CYP24A1: variants seen among roughly 807,000 people sequenced by gnomAD.
CYP24A1 encodes the protein cytochrome P450 family 24 subfamily A member 1, also known as 1,25-dihydroxyvitamin D(3) 24-hydroxylase, mitochondrial.
Under a neutral mutation model 62.4 loss-of-function variants are expected in CYP24A1, and 68 were observed. That is an observed-to-expected ratio of 1.09 (90% CI 0.90 to 1.33). The LOEUF (loss-of-function observed/expected upper bound fraction) is 1.33. Ranked by LOEUF, CYP24A1 falls within the 40% of genes most tolerant of loss-of-function variation. The probability of loss-of-function intolerance (pLI) is 0.00; values close to 1 mark genes in which losing one functional copy is unlikely to be tolerated. For missense variants in CYP24A1, 787 were observed against 653.0 expected (o/e 1.21, Z -2.24); for synonymous variants, 267 against 253.0 (o/e 1.06, Z -0.52).
intron 4 of CYP24A1, among the ~76,000 whole-genome samples, chr20:54,168,143 T>C (rs2092679138): frequency 6.6e-6 from 1 of 152,122 alleles, no homozygotes; most frequent in Non-Finnish European, 1.5e-5. Flanking sequence ...ACCATCTCTG[T>C]GAAGCGACCC....
At chr20:54,164,677 G>A in intron 5 of CYP24A1, 114 bp from the exon 6 acceptor site, 1 of 1,575,656 alleles carries the variant, frequency 6.3e-7, no homozygotes, top group Non-Finnish European at 8.6e-7. Flanking sequence ...TAAAAGGCTG[G>A]AATTACAAGG....
chr20:54,146,564 A>G, the CYP24A1 span, among the ~76,000 whole-genome samples: 129 of 152,362 alleles, frequency 8.5e-4, no homozygotes, highest in African/African-American at 2.9e-3. Flanking sequence ...ATGAAAAAGC[A>G]AAGCATTTCT....
intron 4 of CYP24A1, among the ~76,000 whole-genome samples, chr20:54,169,030 T>C (rs2092684528): frequency 6.6e-6 from 1 of 151,994 alleles, no homozygotes; most frequent in Admixed American, 6.6e-5. Context: ...CCCAAGTAGA[T>C]GGGACTACAG....
the CYP24A1 span, among the ~76,000 whole-genome samples, chr20:54,146,851 A>G: frequency 6.6e-6 from 1 of 152,184 alleles, no homozygotes; most frequent in Non-Finnish European, 1.5e-5. Flanking sequence ...TTCTGCAAAT[A>G]TTTTATTGCT....
At chr20:54,162,512 T>TC in intron 7 of CYP24A1, 2 of 575,178 alleles carry the variant, frequency 3.5e-6, no homozygotes, top group Non-Finnish European at 6.2e-6. Flanking sequence ...CCGTGGCGTC[T>TC]GGTATGAGGC....
chr20:54,172,946 G>A lies in CYP24A1; in HGVS notation c.412C>T (p.Arg138Cys), dbSNP rs750777104. The A allele has an allele frequency of 1.2e-6, 2 of 1,613,672 alleles. No individual in the cohort carries two copies. Among genetic ancestry groups the A allele is most frequent in the Non-Finnish European group, 1.7e-6 (2 of 1,180,034 alleles). ...RLEIKPWKAY[R>C]DYRKEGYGLL... ...CCGTAGCCTTCTTTGCGGTAGTCGC[G>A]ATAGGCCTTCCACGGTTTGATCTCC... is the stretch of plus-strand genomic sequence containing the variant. Residue 138 changes from arginine to cysteine, a missense_variant, in exon 2 of 12, where the codon CGC becomes TGC. By Grantham distance (180) the Arg-to-Cys change is radical (BLOSUM62 -3). Transcript: ENST00000216862.
At position 54,157,559 on chromosome 20, in the gene CYP24A1, C is replaced by T. The variant is rs1463703032; in HGVS notation, c.1263G>A (p.Val421=). ...CAAAATTGTCTTCACTGGATCCCAA[C>T]ACCTGGGTATTTAGCATGAGCACTG... ...KGTVLMLNTQ[V]LGSSEDNFED... The change falls in exon 10 of 12, where the codon GTG becomes GTA. Residue 421 remains valine (V), a synonymous_variant. Coordinates refer to ENST00000216862, the MANE Select transcript of CYP24A1 (RefSeq NM_000782.5). 1 of 1,596,906 alleles carries T rather than the reference C, an allele frequency of 6.3e-7. No individual in the cohort carries two copies. Among genetic ancestry groups the T allele is most frequent in the Non-Finnish European group, 8.6e-7 (1 of 1,164,498 alleles).
At chr20:54,171,848 G>A in intron 2 of CYP24A1, 178 bp from the exon 3 acceptor site, 1 of 1,422,958 alleles carries the variant, frequency 7.0e-7, no homozygotes. Flanking sequence ...ATCATCTTTT[G>A]ACAATAGTTT....
At chr20:54,162,232 T>TG (rs1467306089) in intron 7 of CYP24A1, among the ~76,000 whole-genome samples, 2 of 98,148 alleles carry the variant, frequency 2.0e-5, no homozygotes, top group Non-Finnish European at 2.5e-5. Flanking sequence ...TTTTTTTTTT[T>TG]TTTTTTTTTT....
intron 4 of CYP24A1, 131 bp downstream of exon 4, chr20:54,169,461 A>G: frequency 6.5e-7 from 1 of 1,542,910 alleles, no homozygotes; most frequent in Non-Finnish European, 8.7e-7. Context: ...TAAAAGAAGC[A>G]TTAAAAGGGC....
chr20:54,171,546 G>A (rs1263727525), intron 3 of CYP24A1, 31 bp downstream of exon 3: 5 of 1,613,746 alleles, frequency 3.1e-6, no homozygotes, highest in Admixed American at 3.3e-5. Flanking sequence ...GTCCCCACGA[G>A]CCCCAGGAAA....
At chr20:54,156,552 G>A (rs1289494434) in intron 11 of CYP24A1, among the ~76,000 whole-genome samples, 2 of 152,196 alleles carry the variant, frequency 1.3e-5, no homozygotes, top group Non-Finnish European at 2.9e-5. Context: ...AAACTAGCAA[G>A]AGAATAGATC....
In CYP24A1 at chr20:54,157,223, G is replaced by C. The variant is rs751340102; in HGVS notation, c.1501C>G (p.Leu501Val). ...EPVEMLHSGT[L>V]VPSRELPIAF... ...ATGGGGAGTTCCCGGCTGGGCACCA[G>C]GGTGCCTGAGTGTAGCATCTCAACA... Residue 501 changes from leucine to valine, a missense_variant, in exon 11 of 12, where the codon CTG becomes GTG. Physicochemically the swap from Leu to Val is conservative, Grantham distance 32. Transcript: ENST00000216862. The C allele has an allele frequency of 1.9e-6, 3 of 1,613,026 alleles. No individual in the cohort carries two copies. The highest frequency in any genetic ancestry group is 2.5e-6 in the Non-Finnish European group (3 of 1,179,080).
chr20:54,169,972 C>CT lies in CYP24A1; in HGVS notation c.544-285_544-284insA, dbSNP rs558599929. Among the ~76,000 whole-genome samples, 98 of 121,396 alleles carry CT rather than the reference C, an allele frequency of 8.1e-4. No homozygotes were observed. The South Asian group carries it at 0.011, about 14-fold the overall frequency. The allele number at this position is 121,396 out of a possible 152,430, so 79.6% of individuals were successfully genotyped here. On this transcript the variant is annotated intron_variant, in intron 3 of 11. Transcript: ENST00000216862. Reference sequence around the variant, plus strand: ...TTCTGGCAATTTAAGAAAAGGAAAACATTTTTTTTTTCTAATCAGAATGGG... The same window carrying CT: ...TTCTGGCAATTTAAGAAAAGGAAAACTATTTTTTTTTTCTAATCAGAATGGG...
intron 6 of CYP24A1, among the ~76,000 whole-genome samples, chr20:54,163,494 G>C (rs1459007023): frequency 2.6e-5 from 4 of 152,166 alleles, no homozygotes; most frequent in Admixed American, 6.6e-5. Context: ...GTTAGAGTTC[G>C]AGTCCTGGAA....
the CYP24A1 span, among the ~76,000 whole-genome samples, chr20:54,148,151 A>ACCAC: frequency 9.9e-5 from 15 of 150,794 alleles, no homozygotes; most frequent in East Asian, 2.9e-3. Flanking sequence ...CCAGTTCTTA[A>ACCAC]CCACCTCGAT....
At chr20:54,167,159 A>G (rs1300540361) in intron 4 of CYP24A1, among the ~76,000 whole-genome samples, 1 of 152,234 alleles carries the variant, frequency 6.6e-6, no homozygotes, top group Non-Finnish European at 1.5e-5. Context: ...CATAAACCTG[A>G]GGAGTGAGAG....
chr20:54,161,365 G>C (rs1422680220), intron 7 of CYP24A1, among the ~76,000 whole-genome samples: 1 of 151,994 alleles, frequency 6.6e-6, no homozygotes, highest in Non-Finnish European at 1.5e-5. Context: ...CATCCTGATG[G>C]CGTCCTCCAC....
chr20:54,168,780 CTCCCTCCCTTCTGCCT>C (rs2092682054), intron 4 of CYP24A1, among the ~76,000 whole-genome samples: 2 of 82,922 alleles, frequency 2.4e-5, no homozygotes, highest in Non-Finnish European at 4.7e-5. Flanking sequence ...CCTTCCTTCC[CTCCCTCCCTTCTGCCT>C]TCCCTCCCTC....
Sources: gnomAD v4.1 joint callset for allele counts (sites outside exome capture counted in the v4.1 genomes callset) on GRCh38, gnomAD v4.1.1 for gene constraint, MANE v1.5 for transcripts, NCBI Gene and HGNC (gene_info 2026-07-23, HGNC 2026-07-21) for gene names.